The following VCL variants were observed in gnomAD, a reference collection of about 807,000 sequenced individuals.
VCL encodes the protein vinculin, also known as epididymis luminal protein 114.
In VCL, 47 loss-of-function variants were observed where a neutral mutation model predicts 125.7. The ratio of observed to expected loss-of-function variants is 0.37; its 90% confidence interval spans 0.30 to 0.48. VCL has a LOEUF of 0.48. Among genes scored for constraint, VCL ranks in the 20% least tolerant of loss-of-function variants. VCL has a pLI of 0.99. For synonymous variants in VCL, 458 were observed against 514.6 expected (o/e 0.89, Z 1.49); for missense variants, 1,069 against 1,455.5 (o/e 0.73, Z 4.32).
intron 1 of VCL, among the ~76,000 whole-genome samples, chr10:74,030,618 A>G (rs1389993758): frequency 6.6e-6 from 1 of 152,216 alleles, no homozygotes; most frequent in African/African-American, 2.4e-5. Flanking sequence ...AGTAAAATGA[A>G]TTGGGATTAA....
At chr10:74,041,882 AAC>A (rs2136247980) in intron 1 of VCL, among the ~76,000 whole-genome samples, 1 of 152,376 alleles carries the variant, frequency 6.6e-6, no homozygotes, top group African/African-American at 2.4e-5. Flanking sequence ...CAGCCTGGGC[AAC>A]AGAGTGAGAC....
In VCL at chr10:74,108,531, G is replaced by T. The variant is rs368398577; in HGVS notation, c.2560-440G>T. On this transcript the variant is annotated intron_variant, in intron 17 of 21. Coordinates refer to ENST00000211998, the MANE Select transcript of VCL (RefSeq NM_014000.3). ...GTCTTGCTCTGTCGCCCAGGCTGGA[G>T]CGCAGTGGCATGATCTCAGCTCACG... is the stretch of plus-strand genomic sequence containing the variant. 5.3e-5 allele frequency among the ~76,000 whole-genome samples: 8 copies of T among 152,036 alleles called. No individual in the cohort carries two copies. The South Asian group carries it at 8.3e-4, about 16-fold the overall frequency.
chr10:74,055,553 A>T (rs984482689), intron 2 of VCL, among the ~76,000 whole-genome samples: 3 of 151,216 alleles, frequency 2.0e-5, no homozygotes, highest in Admixed American at 6.6e-5. Flanking sequence ...TAGAGATGGG[A>T]TCTCACTATG....
At chr10:74,057,030 A>G (rs969911779) in intron 2 of VCL, among the ~76,000 whole-genome samples, 2 of 152,092 alleles carry the variant, frequency 1.3e-5, no homozygotes, top group Non-Finnish European at 2.9e-5. Context: ...CTGTAACCTC[A>G]GACTTCTGGG....
chr10:74,022,308 G>A (rs1354981925), intron 1 of VCL, among the ~76,000 whole-genome samples: 1 of 152,132 alleles, frequency 6.6e-6, no homozygotes, highest in Non-Finnish European at 1.5e-5. Flanking sequence ...CACTTTGGGA[G>A]GCTGAGGTGG....
chr10:74,025,543 G>A (rs1032904634), intron 1 of VCL, among the ~76,000 whole-genome samples: 2 of 151,694 alleles, frequency 1.3e-5, no homozygotes, highest in Non-Finnish European at 2.9e-5. Flanking sequence ...GAGCTCGGAA[G>A]GTCAAGGTTG....
At chr10:74,045,829 G>T (rs1470867386) in intron 2 of VCL, among the ~76,000 whole-genome samples, 3 of 151,986 alleles carry the variant, frequency 2.0e-5, no homozygotes, top group East Asian at 3.9e-4. Flanking sequence ...TTCTATTTTT[G>T]ATTTAAGTGA....
rs968920523 is a variant in VCL, at chr10:73,998,122, T to G, written c.-86T>G. On this transcript the variant is annotated 5_prime_UTR_variant, in exon 1 of 22. Coordinates refer to ENST00000211998, the MANE Select transcript of VCL (RefSeq NM_014000.3). ...AGGGAAGCCCCGACTCCGTAGTCGC[T>G]GCACAGTCTGTCTCTTCGCCGGTTC... is the stretch of plus-strand genomic sequence containing the variant. 4.5e-6 allele frequency: 7 copies of G among 1,556,600 alleles called. No individual in the cohort carries two copies. In the South Asian group the frequency reaches 5.8e-5, roughly 13 times the overall value.
chr10:74,117,928 G>T, intron 21 of VCL, 95 bp from the exon 22 acceptor site: 1 of 1,542,174 alleles, frequency 6.5e-7, no homozygotes, highest in South Asian at 1.1e-5. Context: ...AGGTACCAGT[G>T]GGGTTAGCTG....
chr10:74,067,263 T>C (rs1841584620), intron 2 of VCL, among the ~76,000 whole-genome samples: 1 of 151,900 alleles, frequency 6.6e-6, no homozygotes, highest in South Asian at 2.1e-4. Context: ...CCATAAAAGA[T>C]GTAGAAATGG....
At chr10:74,033,191 G>T (rs1840913867) in intron 1 of VCL, among the ~76,000 whole-genome samples, 2 of 152,094 alleles carry the variant, frequency 1.3e-5, no homozygotes, top group East Asian at 3.8e-4. Context: ...ATATGATTTG[G>T]CAATAAAAAG....
chr10:74,037,644 C>G (rs1352092966), intron 1 of VCL, among the ~76,000 whole-genome samples: 1 of 152,200 alleles, frequency 6.6e-6, no homozygotes, highest in African/African-American at 2.4e-5. Flanking sequence ...CTTTCTAGTC[C>G]TGGCCTCCTT....
chr10:74,002,916 T>A (rs1235738644), intron 1 of VCL, among the ~76,000 whole-genome samples: 1 of 151,140 alleles, frequency 6.6e-6, no homozygotes, highest in Non-Finnish European at 1.5e-5. Flanking sequence ...TTACTTACTT[T>A]TATGGGGGCA....
chr10:74,032,257 A>G (rs936778155), intron 1 of VCL, among the ~76,000 whole-genome samples: 13 of 150,990 alleles, frequency 8.6e-5, no homozygotes, highest in South Asian at 2.1e-4. Context: ...AAAAAAAAAA[A>G]AAAGAAAAAG....
chr10:74,017,989 T>G (rs1032815194), intron 1 of VCL, among the ~76,000 whole-genome samples: 2 of 150,432 alleles, frequency 1.3e-5, no homozygotes, highest in Non-Finnish European at 1.5e-5. Flanking sequence ...CGAAACTCCT[T>G]CTCTACAAAA....
At position 74,072,859 on chromosome 10, in the gene VCL, C is replaced by T; in HGVS notation, c.622+7C>T. On this transcript the variant is annotated splice_region_variant and intron_variant, in intron 5 of 21. Coordinates refer to ENST00000211998, the MANE Select transcript of VCL (RefSeq NM_014000.3). ...CTGCCAGTTCTCATTTCAGGTACTT[C>T]CTGCCTGTACTTTATTTTATAGGGG... The T allele has an allele frequency of 6.2e-7, 1 of 1,613,980 alleles. No homozygotes were observed. Among genetic ancestry groups the T allele is most frequent in the Non-Finnish European group, 8.5e-7 (1 of 1,179,950 alleles).
rs1839983950 is a variant in VCL, at chr10:74,097,261, G to A, written c.1801G>A (p.Asp601Asn). ...TCAGGAAGTGTCAGATGTTTTCAGC[G>A]ATACCACAACTCCCATCAAGCTGTT... is the stretch of plus-strand genomic sequence containing the variant. ...MTQEVSDVFSDTTTPIKLLAV... is the reference protein window; with the variant it reads ...MTQEVSDVFSNTTTPIKLLAV... The change falls in exon 13 of 22, where the codon GAT (aspartate) becomes AAT (asparagine). Residue 601 changes from aspartate to asparagine, a missense_variant. Physicochemically the swap from Asp to Asn is conservative, Grantham distance 23. Transcript: ENST00000211998. The surrounding 1 kb of genome is among the most constrained non-coding windows in gnomAD (Gnocchi z 4.1). The A allele has an allele frequency of 1.2e-6, 2 of 1,613,970 alleles. No individual in the cohort carries two copies.
At chr10:74,086,002 G>A (rs1030393063) in intron 8 of VCL, among the ~76,000 whole-genome samples, 2 of 152,062 alleles carry the variant, frequency 1.3e-5, no homozygotes, top group Non-Finnish European at 2.9e-5. Flanking sequence ...TGAGTACCTG[G>A]GATTACAGGC....
chr10:74,032,281 A>G (rs1055281050), intron 1 of VCL, among the ~76,000 whole-genome samples: 11 of 151,424 alleles, frequency 7.3e-5, no homozygotes, highest in Non-Finnish European at 1.3e-4. Flanking sequence ...AAGACAAGCT[A>G]TATTTTAGTC....
Sources: gnomAD v4.1 joint callset for allele counts (sites outside exome capture counted in the v4.1 genomes callset) on GRCh38, gnomAD v4.1.1 for gene constraint, Gnocchi (gnomAD v3.1) non-coding constraint, MANE v1.5 for transcripts, NCBI Gene and HGNC (gene_info 2026-07-23, HGNC 2026-07-21) for gene names.